CRACD: variants seen among roughly 807,000 people sequenced by gnomAD.
CRACD encodes the protein capping protein-inhibiting regulator of actin dynamics.
A neutral mutation model predicts 106.8 loss-of-function variants in CRACD; 56 were observed. The observed-to-expected ratio is 0.52, with a 90% confidence interval of 0.42 to 0.66. The LOEUF is 0.66. Ranked by LOEUF, CRACD falls within the 30% of genes least tolerant of loss-of-function variation. The pLI, the probability that CRACD is intolerant of heterozygous loss-of-function variation, is 0.00. For synonymous variants in CRACD, 754 were observed against 670.8 expected, an observed-to-expected ratio of 1.12 and a Z score of -1.92; for missense variants, 1,730 against 1,623.2, an observed-to-expected ratio of 1.07 and a Z score of -1.13.
chr4:56,286,394 G>GA (rs35666161), intron 3 of CRACD, among the ~76,000 whole-genome samples: 83,522 of 141,206 alleles, frequency 0.59, 24,866 homozygotes, highest in Middle Eastern at 0.73. Context: ...TTCTGTCTCC[G>GA]AAAAAAAAAA....
At chr4:56,288,532 A>C (rs1743502739) in intron 3 of CRACD, 1 of 156,362 alleles carries the variant, frequency 6.4e-6, no homozygotes. Context: ...TCGCACAGGG[A>C]CCATGATAAT....
At chr4:56,112,193 C>G (rs150659098) in intron 1 of CRACD, among the ~76,000 whole-genome samples, 3,640 of 152,194 alleles carry the variant, frequency 0.024, 62 homozygotes, top group Admixed American at 0.057. Context: ...CTTCGTGCAA[C>G]GAAGCCAAAT....
At chr4:56,281,116 G>C (rs778556020) in intron 3 of CRACD, among the ~76,000 whole-genome samples, 2 of 152,116 alleles carry the variant, frequency 1.3e-5, no homozygotes, top group African/African-American at 4.8e-5. Context: ...AACCAGTACC[G>C]GTGTGTGGCC....
chr4:56,191,067 G>A (rs1737347737), intron 2 of CRACD, among the ~76,000 whole-genome samples: 1 of 152,104 alleles, frequency 6.6e-6, no homozygotes, highest in African/African-American at 2.4e-5. Flanking sequence ...GCATTGAGGA[G>A]ATAAAGTGAA....
At position 56,313,178 on chromosome 4, in the gene CRACD, A is replaced by C; in HGVS notation, c.355-19A>C. The C allele has an allele frequency of 6.2e-7, 1 of 1,602,920 alleles. No homozygotes were observed. The highest frequency in any genetic ancestry group is 8.5e-7 in the Non-Finnish European group (1 of 1,171,766). ...GTCTTCTGATCCCAACTGACTTTCTATTTTAATCTCCCCTACAGGTTGCTC... is the reference window on the plus strand; with the variant it reads ...GTCTTCTGATCCCAACTGACTTTCTCTTTTAATCTCCCCTACAGGTTGCTC... On this transcript the variant is annotated intron_variant, in intron 6 of 10. Coordinates refer to ENST00000682029, the MANE Select transcript of CRACD (RefSeq NM_001393381.1).
intron 2 of CRACD, among the ~76,000 whole-genome samples, chr4:56,267,768 C>G (rs1742111019): frequency 6.6e-6 from 1 of 152,188 alleles, no homozygotes. Context: ...GACTTTGTTC[C>G]ATTTTCCAGG....
At chr4:56,291,427 T>C (rs1439537121) in intron 3 of CRACD, among the ~76,000 whole-genome samples, 1 of 152,192 alleles carries the variant, frequency 6.6e-6, no homozygotes, top group Admixed American at 6.5e-5. Flanking sequence ...AGCTCTGTGT[T>C]CATTAGAACA....
At chr4:56,052,950 G>T (rs944158284) in intron 1 of CRACD, among the ~76,000 whole-genome samples, 1 of 152,132 alleles carries the variant, frequency 6.6e-6, no homozygotes, top group Non-Finnish European at 1.5e-5. Context: ...TTTCAAGTCA[G>T]TTTTCAACTT....
At chr4:56,112,269 C>T (rs903611790) in intron 1 of CRACD, among the ~76,000 whole-genome samples, 1 of 152,110 alleles carries the variant, frequency 6.6e-6, no homozygotes, top group Non-Finnish European at 1.5e-5. Flanking sequence ...TGAGGAGAAT[C>T]GGGCAGCTCA....
chr4:56,197,778 C>T (rs1201905489), intron 2 of CRACD, among the ~76,000 whole-genome samples: 4 of 151,650 alleles, frequency 2.6e-5, no homozygotes, highest in South Asian at 2.1e-4. Context: ...CCCGGGTTCA[C>T]GCCGTTCTCC....
Position 56,179,343 on chromosome 4 carries a change from C to CA in CRACD, c.-275dup, listed in dbSNP as rs1205951729. 6.6e-6 allele frequency: 1 copy of CA among 151,930 alleles called. No homozygotes were observed. The highest frequency in any genetic ancestry group is 1.5e-5 in the Non-Finnish European group (1 of 67,988). 9.4% of individuals were successfully genotyped at this position (151,930 alleles called of 1,614,324 possible). A position where few individuals can be genotyped will look rare whatever the true frequency, so the allele number is the denominator to read the frequency against. Reference sequence around the variant, plus strand: ...AATGTACCCCATTTCCTGACATTTACAGCTGAAGGTGAAGTTTCCCTTTTG... The same window carrying CA: ...AATGTACCCCATTTCCTGACATTTACAAGCTGAAGGTGAAGTTTCCCTTTTG... On this transcript the variant is annotated 5_prime_UTR_variant, in exon 2 of 11. The change abolishes the stop of an existing upstream ORF in the 5' untranslated region. Coordinates refer to ENST00000682029, the MANE Select transcript of CRACD (RefSeq NM_001393381.1).
At chr4:56,146,126 G>T (rs139324352) in intron 1 of CRACD, among the ~76,000 whole-genome samples, 1 of 152,052 alleles carries the variant, frequency 6.6e-6, no homozygotes, top group African/African-American at 2.4e-5. Context: ...TGAACAAGCT[G>T]TCATTTCAGT....
At chr4:56,177,771 A>G (rs372980561) in intron 1 of CRACD, among the ~76,000 whole-genome samples, 2 of 152,096 alleles carry the variant, frequency 1.3e-5, no homozygotes, top group East Asian at 3.9e-4. Context: ...TAACCATTTC[A>G]TCTAGGTTTT....
At position 56,168,862 on chromosome 4, in the gene CRACD, G is replaced by C. The variant is rs558243776; in HGVS notation, c.-335-10422G>C. Among the ~76,000 whole-genome samples the C allele has an allele frequency of 2.0e-5, 3 of 152,246 alleles. No homozygotes were observed. In the East Asian group the frequency reaches 5.8e-4, roughly 29 times the overall value. ...TTTTCCCCCATCATACTACTGCTGTGATACTATGGATGAGTAGGTGAATGG... is the reference window on the plus strand; with the variant it reads ...TTTTCCCCCATCATACTACTGCTGTCATACTATGGATGAGTAGGTGAATGG... On this transcript the variant is annotated intron_variant, in intron 1 of 10. Coordinates refer to ENST00000682029, the MANE Select transcript of CRACD (RefSeq NM_001393381.1).
chr4:56,239,074 C>T (rs1019589222), intron 2 of CRACD, among the ~76,000 whole-genome samples: 8 of 152,096 alleles, frequency 5.3e-5, no homozygotes. Context: ...GGGCAGGTCA[C>T]TTGAGGTCAG....
chr4:56,057,847 C>T lies in CRACD; in HGVS notation c.-336+8548C>T, dbSNP rs1299938963. 5.4e-3 allele frequency among the ~76,000 whole-genome samples: 260 copies of T among 48,372 alleles called. 1 individual carries two copies. The highest frequency in any genetic ancestry group is 0.036 in the Middle Eastern group (2 of 56). The allele number at this position is 48,372 out of a possible 152,430, so 31.7% of individuals were successfully genotyped here. A position where few individuals can be genotyped will look rare whatever the true frequency, so the allele number is the denominator to read the frequency against. On this transcript the variant is annotated intron_variant, in intron 1 of 10. Transcript: ENST00000682029. The stretch of plus-strand genomic sequence containing the variant: ...TTTTTTTTTTTTTTTGAGACGGAGT[C>T]TCGCTCTGTCGCCCAGGCTGGAGTG...
chr4:56,119,234 G>A (rs1249772778), intron 1 of CRACD, among the ~76,000 whole-genome samples: 1 of 152,158 alleles, frequency 6.6e-6, no homozygotes, highest in Non-Finnish European at 1.5e-5. Flanking sequence ...GTGAAAGATA[G>A]GAATCTATAG....
intron 1 of CRACD, among the ~76,000 whole-genome samples, chr4:56,090,168 C>T (rs1287675159): frequency 6.9e-6 from 1 of 145,792 alleles, no homozygotes; most frequent in East Asian, 2.0e-4. Flanking sequence ...AAAAAAAAAA[C>T]TGGCAGGATC....
intron 1 of CRACD, among the ~76,000 whole-genome samples, chr4:56,127,539 C>T (rs1734699765): frequency 6.6e-6 from 1 of 152,148 alleles, no homozygotes; most frequent in African/African-American, 2.4e-5. Context: ...CTCTCTTCTT[C>T]TGCCTTAATA....
Sources: gnomAD v4.1 joint callset for allele counts (sites outside exome capture counted in the v4.1 genomes callset) on GRCh38, gnomAD v4.1.1 for gene constraint, MANE v1.5 for transcripts, NCBI Gene and HGNC (gene_info 2026-07-23, HGNC 2026-07-21) for gene names.